The following NRCAM variants were observed in gnomAD, a reference collection of about 807,000 sequenced individuals.
The protein encoded by NRCAM is NgCAM-related cell adhesion molecule.
Under a neutral mutation model 156.5 loss-of-function variants are expected in NRCAM, and 83 were observed. That is an observed-to-expected ratio of 0.53 (90% CI 0.44 to 0.64). The LOEUF is 0.64. NRCAM is among the 30% of genes least tolerant of loss of function. The pLI, the probability that NRCAM is intolerant of heterozygous loss-of-function variation, is 0.00. For synonymous variants in NRCAM, 538 were observed against 563.9 expected, an observed-to-expected ratio of 0.95 and a Z score of 0.65; for missense variants, 1,417 against 1,597.3, an observed-to-expected ratio of 0.89 and a Z score of 1.92.
intron 4 of NRCAM, among the ~76,000 whole-genome samples, chr7:108,239,108 G>C (rs570085856): frequency 6.6e-6 from 1 of 152,106 alleles, no homozygotes; most frequent in Admixed American, 6.6e-5. Flanking sequence ...CTGAAGTACA[G>C]TAATTGTCCA....
At chr7:108,365,774 G>A (rs967547586) in intron 2 of NRCAM, among the ~76,000 whole-genome samples, 10 of 152,076 alleles carry the variant, frequency 6.6e-5, no homozygotes, top group African/African-American at 9.7e-5. Context: ...CAATTCAGAG[G>A]TGACTTAATT....
intron 3 of NRCAM, among the ~76,000 whole-genome samples, chr7:108,289,950 G>C (rs1034516645): frequency 6.6e-6 from 1 of 152,062 alleles, no homozygotes; most frequent in African/African-American, 2.4e-5. Context: ...ATAAAAAATG[G>C]TACTGTGAGT....
chr7:108,376,171 C>G (rs1373342659), intron 2 of NRCAM, among the ~76,000 whole-genome samples: 8 of 152,146 alleles, frequency 5.3e-5, no homozygotes, highest in Admixed American at 3.9e-4. Flanking sequence ...CTTTTTCCAG[C>G]CAAGGGGCAG....
intron 2 of NRCAM, among the ~76,000 whole-genome samples, chr7:108,383,613 G>A (rs1237210596): frequency 1.3e-5 from 2 of 152,156 alleles, no homozygotes; most frequent in South Asian, 2.1e-4. Context: ...CTAACTCTTG[G>A]CTACTTAGCC....
In NRCAM at chr7:108,185,134, G is replaced by A. The variant is rs1000119595; in HGVS notation, c.2036-520C>T. Reference sequence around the variant, plus strand: ...AATAATCAAAGGTTTAACACACTTCGTTGACTATGACACAAGGAATCAAGC... The same window carrying A: ...AATAATCAAAGGTTTAACACACTTCATTGACTATGACACAAGGAATCAAGC... On this transcript the variant is annotated intron_variant, in intron 20 of 32. Transcript: ENST00000379028. Among the ~76,000 whole-genome samples the A allele has an allele frequency of 5.9e-5, 9 of 151,976 alleles. No homozygotes were observed. The South Asian group carries it at 8.3e-4, about 14-fold the overall frequency.
intron 1 of NRCAM, among the ~76,000 whole-genome samples, chr7:108,429,019 A>G: frequency 6.6e-6 from 1 of 152,154 alleles, no homozygotes; most frequent in Non-Finnish European, 1.5e-5. Flanking sequence ...GAGGAAACTC[A>G]GTAATCCCGC....
chr7:108,310,019 TCTC>T (rs900721891), intron 3 of NRCAM, among the ~76,000 whole-genome samples: 2 of 152,168 alleles, frequency 1.3e-5, no homozygotes, highest in African/African-American at 2.4e-5. Flanking sequence ...TAACTACCCT[TCTC>T]CTAAGATGTA....
At chr7:108,201,771 CATCTGACTGT>C (rs1212148277) in intron 13 of NRCAM, among the ~76,000 whole-genome samples, 2 of 152,188 alleles carry the variant, frequency 1.3e-5, no homozygotes, top group Non-Finnish European at 2.9e-5. Context: ...ACCTGAAAGG[CATCTGACTGT>C]ATCTGCCTTA....
At chr7:108,182,275 A>AT (rs201383416) in intron 23 of NRCAM, among the ~76,000 whole-genome samples, 3 of 150,190 alleles carry the variant, frequency 2.0e-5, no homozygotes. Context: ...TTACACTTGG[A>AT]TTTTTTTTTC....
intron 3 of NRCAM, among the ~76,000 whole-genome samples, chr7:108,240,577 G>C (rs1392425964): frequency 2.0e-5 from 3 of 152,138 alleles, no homozygotes; most frequent in Non-Finnish European, 2.9e-5. Flanking sequence ...GGAAAGTTCA[G>C]GGGATTGTTG....
chr7:108,406,138 G>A (rs531607366), intron 1 of NRCAM, among the ~76,000 whole-genome samples: 68 of 151,944 alleles, frequency 4.5e-4, no homozygotes, highest in Non-Finnish European at 9.1e-4. Context: ...ACAAATAAAG[G>A]GCTTAGGTGG....
chr7:108,207,339 ATAAAC>A (rs2081696103), intron 13 of NRCAM, 184 bp downstream of exon 13: 1 of 507,760 alleles, frequency 2.0e-6, no homozygotes, highest in Admixed American at 3.7e-5. Flanking sequence ...TGTTAACAGC[ATAAAC>A]TATTCACATT....
At chr7:108,320,663 CAT>C (rs112971797) in intron 2 of NRCAM, among the ~76,000 whole-genome samples, 8 of 152,142 alleles carry the variant, frequency 5.3e-5, no homozygotes, top group African/African-American at 1.9e-4. Context: ...TTCATTGACA[CAT>C]AAAGTGACAA....
At chr7:108,185,463 C>T (rs1479759085) in intron 20 of NRCAM, among the ~76,000 whole-genome samples, 3 of 152,118 alleles carry the variant, frequency 2.0e-5, no homozygotes, top group Non-Finnish European at 4.4e-5. Flanking sequence ...CAGCCAAGTG[C>T]GGTGGCTCAC....
At chr7:108,330,592 G>GGC (rs2099116600) in intron 2 of NRCAM, among the ~76,000 whole-genome samples, 2 of 152,244 alleles carry the variant, frequency 1.3e-5, no homozygotes, top group African/African-American at 4.8e-5. Context: ...GGGTTTAACA[G>GGC]GCTCCTCACA....
chr7:108,191,974 A>C (rs752179798), intron 17 of NRCAM, 121 bp from the exon 18 acceptor site: 13 of 1,085,938 alleles, frequency 1.2e-5, no homozygotes, highest in Non-Finnish European at 1.6e-5. Flanking sequence ...ACACTTTCAA[A>C]AGTTAGAGCA....
chr7:108,435,468 G>C (rs957352815), intron 1 of NRCAM, among the ~76,000 whole-genome samples: 1 of 152,078 alleles, frequency 6.6e-6, no homozygotes, highest in East Asian at 1.9e-4. Flanking sequence ...CAGAGGAGAG[G>C]GGGAGAAGAG....
intron 1 of NRCAM, among the ~76,000 whole-genome samples, chr7:108,414,074 C>G (rs1429986197): frequency 6.6e-6 from 1 of 152,218 alleles, no homozygotes; most frequent in Non-Finnish European, 1.5e-5. Context: ...TAGGATCTGG[C>G]TTTCCCAGAG....
At chr7:108,223,857 A>T (rs769248420) in intron 10 of NRCAM, 21 bp from the exon 11 acceptor site, 11 of 1,111,056 alleles carry the variant, frequency 9.9e-6, no homozygotes, top group Non-Finnish European at 1.4e-5. Context: ...GAAAATCAGT[A>T]TGCATTACAA....
Sources: allele counts gnomAD v4.1 joint callset (sites outside exome capture counted in the v4.1 genomes callset), GRCh38; gene constraint gnomAD v4.1.1; transcripts MANE v1.5; gene names NCBI Gene and HGNC (gene_info 2026-07-23, HGNC 2026-07-21).